The following MACROD2 variants were observed in gnomAD, a reference collection of about 807,000 sequenced individuals.
The protein encoded by MACROD2 is mono-ADP ribosylhydrolase 2.
A neutral mutation model predicts 70.4 loss-of-function variants in MACROD2; 36 were observed. That is an observed-to-expected ratio of 0.51 (90% CI 0.39 to 0.68). The LOEUF is 0.68. MACROD2 is among the 30% of genes least tolerant of loss of function. The pLI is 0.00. For synonymous variants in MACROD2, 172 were observed against 178.8 expected, an observed-to-expected ratio of 0.96 and a Z score of 0.30; for missense variants, 496 against 538.4, an observed-to-expected ratio of 0.92 and a Z score of 0.78.
chr20:14,329,662 A>G (rs983944766), intron 3 of MACROD2, among the ~76,000 whole-genome samples: 1 of 152,122 alleles, frequency 6.6e-6, no homozygotes, highest in African/African-American at 2.4e-5. Flanking sequence ...AAAAGAAGAA[A>G]ACAAGTACAT....
chr20:14,394,446 TG>T (rs1407165995), intron 3 of MACROD2, among the ~76,000 whole-genome samples: 2 of 152,216 alleles, frequency 1.3e-5, no homozygotes, highest in African/African-American at 2.4e-5. Context: ...TTTTAAATAT[TG>T]CTCTCATAAA....
chr20:14,704,891 G>A (rs1056811518), intron 5 of MACROD2, among the ~76,000 whole-genome samples: 3 of 152,088 alleles, frequency 2.0e-5, no homozygotes, highest in Non-Finnish European at 4.4e-5. Flanking sequence ...TGGCTTTTGA[G>A]ACAGCTAGGT....
chr20:14,601,661 T>G (rs1007889641), intron 4 of MACROD2, among the ~76,000 whole-genome samples: 3 of 152,152 alleles, frequency 2.0e-5, no homozygotes, highest in Non-Finnish European at 4.4e-5. Context: ...TCTTTTTTAA[T>G]GGAGGAAGGG....
chr20:15,711,270 G>C (rs1273371491), intron 8 of MACROD2, among the ~76,000 whole-genome samples: 1 of 152,194 alleles, frequency 6.6e-6, no homozygotes, highest in Non-Finnish European at 1.5e-5. Context: ...TCTCTGTTCA[G>C]TTACAGGGAG....
Position 15,514,845 on chromosome 20 carries a change from G to A in MACROD2, c.645+14998G>A, listed in dbSNP as rs555329711. Among the ~76,000 whole-genome samples the A allele has an allele frequency of 2.0e-5, 3 of 152,232 alleles. No individual in the cohort carries two copies. The South Asian group carries it at 6.2e-4, about 32-fold the overall frequency. On this transcript the variant is annotated intron_variant, in intron 8 of 17. Transcript: ENST00000684519. ...AAATGGCAGTTGAGTTTTTAATTCA[G>A]AATTCCAAGTTCATAACTACAATCA...
intron 5 of MACROD2, among the ~76,000 whole-genome samples, chr20:15,056,680 T>A (rs1388709842): frequency 6.6e-6 from 1 of 152,132 alleles, no homozygotes; most frequent in African/African-American, 2.4e-5. Context: ...TAAGGAAGAC[T>A]AAATCATGGT....
At chr20:15,879,793 T>A (rs1002350775) in intron 9 of MACROD2, among the ~76,000 whole-genome samples, 1 of 152,094 alleles carries the variant, frequency 6.6e-6, no homozygotes, top group Non-Finnish European at 1.5e-5. Flanking sequence ...TTGGCAAGTG[T>A]GAGACCCAGG....
At chr20:14,259,068 G>C (rs1000500379) in intron 3 of MACROD2, among the ~76,000 whole-genome samples, 2 of 152,114 alleles carry the variant, frequency 1.3e-5, no homozygotes, top group Admixed American at 6.5e-5. Context: ...TCAGCCTTCT[G>C]AGTAGCTGGG....
intron 5 of MACROD2, among the ~76,000 whole-genome samples, chr20:15,123,104 T>C (rs2123254137): frequency 6.6e-6 from 1 of 152,286 alleles, no homozygotes; most frequent in Non-Finnish European, 1.5e-5. Flanking sequence ...TTTTTAGTGC[T>C]CAGTAGCCAC....
intron 8 of MACROD2, among the ~76,000 whole-genome samples, chr20:15,735,201 T>G (rs930745888): frequency 4.6e-5 from 7 of 152,134 alleles, no homozygotes; most frequent in African/African-American, 1.7e-4. Context: ...CCTCAAGCAA[T>G]CTGCTTGCCT....
intron 5 of MACROD2, among the ~76,000 whole-genome samples, chr20:15,010,658 C>T (rs2075075541): frequency 6.6e-6 from 1 of 152,160 alleles, no homozygotes; most frequent in Non-Finnish European, 1.5e-5. Context: ...ATGAAATATC[C>T]ATTAGTTCAC....
intron 5 of MACROD2, among the ~76,000 whole-genome samples, chr20:14,906,696 C>T (rs2073963613): frequency 6.6e-6 from 1 of 152,188 alleles, no homozygotes; most frequent in East Asian, 1.9e-4. Context: ...CTGAAACTAA[C>T]GTCACAAATT....
chr20:15,160,772 T>G (rs529075169), intron 5 of MACROD2, among the ~76,000 whole-genome samples: 1 of 152,124 alleles, frequency 6.6e-6, no homozygotes, highest in South Asian at 2.1e-4. Context: ...GGGTCCATTT[T>G]TTTCTGGATA....
chr20:14,199,930 T>C (rs1274146632), intron 3 of MACROD2, among the ~76,000 whole-genome samples: 1 of 152,194 alleles, frequency 6.6e-6, no homozygotes, highest in Non-Finnish European at 1.5e-5. Flanking sequence ...ACTTCCTTCT[T>C]ATCCACCTAT....
intron 3 of MACROD2, chr20:14,327,275 C>T: frequency 1.9e-6 from 3 of 1,613,806 alleles, no homozygotes; most frequent in Non-Finnish European, 2.5e-6. Flanking sequence ...TTTTTCAAAT[C>T]TGAAGGAATC....
At chr20:15,838,347 T>A (rs2064136148) in intron 8 of MACROD2, among the ~76,000 whole-genome samples, 1 of 152,182 alleles carries the variant, frequency 6.6e-6, no homozygotes. Context: ...TCTCATTTCT[T>A]ATCTTTCTAT....
At chr20:15,293,315 T>G (rs987588722) in intron 6 of MACROD2, among the ~76,000 whole-genome samples, 3 of 152,256 alleles carry the variant, frequency 2.0e-5, no homozygotes, top group Non-Finnish European at 4.4e-5. Context: ...TATAACACAC[T>G]GCCATATCTT....
At chr20:14,784,358 A>G (rs919134324) in intron 5 of MACROD2, among the ~76,000 whole-genome samples, 2 of 152,086 alleles carry the variant, frequency 1.3e-5, no homozygotes, top group African/African-American at 4.8e-5. Flanking sequence ...TTTACCTTGT[A>G]TATTTCTATT....
chr20:14,637,055 G>A (rs1037317302), intron 4 of MACROD2, among the ~76,000 whole-genome samples: 3 of 152,288 alleles, frequency 2.0e-5, no homozygotes, highest in African/African-American at 7.2e-5. Context: ...CAAACAAGAT[G>A]GGATTTGTTA....
Sources: gnomAD v4.1 joint callset for allele counts (sites outside exome capture counted in the v4.1 genomes callset) on GRCh38, gnomAD v4.1.1 for gene constraint, MANE v1.5 for transcripts, NCBI Gene and HGNC (gene_info 2026-07-23, HGNC 2026-07-21) for gene names.